The following PDE3B variants were observed in gnomAD, a reference collection of about 807,000 sequenced individuals.
The protein encoded by PDE3B is phosphodiesterase 3B, also known as cGMP-inhibited 3',5'-cyclic phosphodiesterase 3B.
Under a neutral mutation model 116.8 loss-of-function variants are expected in PDE3B, and 66 were observed. The ratio of observed to expected loss-of-function variants is 0.56; its 90% CI spans 0.46 to 0.69. PDE3B has a LOEUF of 0.69. Ranked by LOEUF, PDE3B falls within the 30% of genes least tolerant of loss-of-function variation. The probability of loss-of-function intolerance (pLI) is 0.00; values close to 1 mark genes in which losing one functional copy is unlikely to be tolerated. For missense variants in PDE3B, 1,384 were observed against 1,368.1 expected, an observed-to-expected ratio of 1.01 and a Z score of -0.18; for synonymous variants, 595 against 533.6, an observed-to-expected ratio of 1.12 and a Z score of -1.59.
intron 1 of PDE3B, among the ~76,000 whole-genome samples, chr11:14,676,974 T>C (rs1247293480): frequency 1.3e-5 from 2 of 152,156 alleles, no homozygotes; most frequent in Non-Finnish European, 2.9e-5. Flanking sequence ...AGTAATTTTT[T>C]GGGTATGAGG....
chr11:14,845,682 C>T (rs1847583204), intron 12 of PDE3B, among the ~76,000 whole-genome samples: 1 of 152,028 alleles, frequency 6.6e-6, no homozygotes, highest in South Asian at 2.1e-4. Flanking sequence ...TCGAAAACTA[C>T]GTGAAGAATG....
chr11:14,664,786 A>G (rs1196774276), intron 1 of PDE3B, among the ~76,000 whole-genome samples: 1 of 152,204 alleles, frequency 6.6e-6, no homozygotes, highest in Admixed American at 6.5e-5. Context: ...TAGCTTACCA[A>G]CCAAAAAGAG....
intron 1 of PDE3B, chr11:14,673,917 G>C (rs1293334923): frequency 7.0e-7 from 1 of 1,428,402 alleles, no homozygotes; most frequent in Non-Finnish European, 9.9e-7. Flanking sequence ...TTCATTAACC[G>C]CATACTCCTT....
At chr11:14,780,463 G>C (rs1292124694) in intron 2 of PDE3B, among the ~76,000 whole-genome samples, 3 of 152,140 alleles carry the variant, frequency 2.0e-5, no homozygotes, top group African/African-American at 7.2e-5. Context: ...ATAACAAACT[G>C]TCTCTCAGAC....
intron 2 of PDE3B, among the ~76,000 whole-genome samples, chr11:14,781,318 C>T (rs1287099932): frequency 6.6e-6 from 1 of 152,132 alleles, no homozygotes; most frequent in Non-Finnish European, 1.5e-5. Context: ...TTTTATGAGG[C>T]CAGCAGCATC....
chr11:14,804,683 TAATC>T (rs1032947551), intron 5 of PDE3B, among the ~76,000 whole-genome samples: 1 of 152,102 alleles, frequency 6.6e-6, no homozygotes, highest in South Asian at 2.1e-4. Flanking sequence ...ATATTATTGA[TAATC>T]AAGAAAAGTA....
At chr11:14,823,929 C>T (rs898596379) in intron 7 of PDE3B, among the ~76,000 whole-genome samples, 3 of 152,164 alleles carry the variant, frequency 2.0e-5, no homozygotes, top group Non-Finnish European at 2.9e-5. Flanking sequence ...GAAAGAACTC[C>T]CAGTGGGAGG....
intron 1 of PDE3B, among the ~76,000 whole-genome samples, chr11:14,669,874 A>G (rs1854313335): frequency 6.6e-6 from 1 of 152,134 alleles, no homozygotes; most frequent in East Asian, 1.9e-4. Context: ...GATAGTTTGG[A>G]GTGTGTGCTT....
At chr11:14,890,443 C>G in the PDE3B span, 1 of 981,478 alleles carries the variant, frequency 1.0e-6, no homozygotes, top group African/African-American at 1.8e-5. Flanking sequence ...TTTATTATCT[C>G]GTCCAGCTTC....
intron 1 of PDE3B, among the ~76,000 whole-genome samples, chr11:14,760,874 T>A (rs1857342744): frequency 6.6e-6 from 1 of 152,232 alleles, no homozygotes; most frequent in Admixed American, 6.5e-5. Flanking sequence ...ATCAGGGTAA[T>A]TGGGATATCC....
chr11:14,790,623 A>C (rs1016646341), intron 4 of PDE3B, among the ~76,000 whole-genome samples: 6 of 152,132 alleles, frequency 3.9e-5, no homozygotes, highest in Non-Finnish European at 8.8e-5. Flanking sequence ...TTAACTCTGA[A>C]AAGTGTTTAT....
At chr11:14,770,254 G>A (rs185638886) in intron 1 of PDE3B, among the ~76,000 whole-genome samples, 1 of 151,268 alleles carries the variant, frequency 6.6e-6, no homozygotes, top group African/African-American at 2.4e-5. Context: ...ACATCTATTC[G>A]TGAACTTAAG....
intron 1 of PDE3B, among the ~76,000 whole-genome samples, chr11:14,660,304 CTT>C (rs761213939): frequency 2.1e-4 from 29 of 140,410 alleles, no homozygotes; most frequent in Non-Finnish European, 1.6e-4. Flanking sequence ...TTCTAATATT[CTT>C]TTTTTTTTTT....
intron 4 of PDE3B, among the ~76,000 whole-genome samples, chr11:14,791,758 TG>T (rs1858397835): frequency 6.6e-6 from 1 of 152,098 alleles, no homozygotes; most frequent in South Asian, 2.1e-4. Context: ...TGGTTATCCC[TG>T]GGGGATTGGT....
chr11:14,892,173 C>T, the PDE3B span: 1 of 1,610,782 alleles, frequency 6.2e-7, no homozygotes, highest in Non-Finnish European at 8.5e-7. Flanking sequence ...CGAGCGCCGC[C>T]GCGCCCTCTT....
chr11:14,852,118 G>A (rs1847765477), intron 12 of PDE3B, among the ~76,000 whole-genome samples: 1 of 152,114 alleles, frequency 6.6e-6, no homozygotes, highest in Admixed American at 6.5e-5. Context: ...GTGCAGTGAC[G>A]TGATCTTGGC....
At chr11:14,815,695 C>T (rs1038554453) in intron 5 of PDE3B, among the ~76,000 whole-genome samples, 1 of 152,042 alleles carries the variant, frequency 6.6e-6, no homozygotes, top group Admixed American at 6.6e-5. Context: ...CAGGTGTTTT[C>T]TACACAAAGA....
In PDE3B at chr11:14,830,679, T is replaced by C. The variant is rs1247568125; in HGVS notation, c.1808-19T>C. The C allele has an allele frequency of 8.0e-7, 1 of 1,243,064 alleles. No homozygotes were observed. The highest frequency in any genetic ancestry group is 1.1e-6 in the Non-Finnish European group (1 of 907,704). The allele number at this position is 1,243,064 out of a possible 1,614,324, so 77.0% of individuals were successfully genotyped here. A position where few individuals can be genotyped will look rare whatever the true frequency, so the allele number is the denominator to read the frequency against. On this transcript the variant is annotated intron_variant, in intron 7 of 15. Coordinates refer to ENST00000282096, the MANE Select transcript of PDE3B (RefSeq NM_000922.4). ...GGCACATTTTACTCCTATATATTACTATATATATTTTTTGAAAGGTGAAGA... is the reference window on the plus strand; with the variant it reads ...GGCACATTTTACTCCTATATATTACCATATATATTTTTTGAAAGGTGAAGA...
Position 14,869,881 on chromosome 11 carries a change from G to C in PDE3B, c.*221G>C. 2.2e-6 allele frequency: 1 copy of C among 453,616 alleles called. No individual in the cohort carries two copies. Among genetic ancestry groups the C allele is most frequent in the South Asian group, 3.6e-5 (1 of 28,106 alleles). 28.1% of individuals were successfully genotyped at this position (453,616 alleles called of 1,614,324 possible). ...TATTCTTAAACCAAAAATACCATCCGTGTTGACCCATGTTGCAGAGCCCTT... is the reference window on the plus strand; with the variant it reads ...TATTCTTAAACCAAAAATACCATCCCTGTTGACCCATGTTGCAGAGCCCTT... On this transcript the variant is annotated 3_prime_UTR_variant, in exon 16 of 16. Transcript: ENST00000282096.
Sources: allele counts gnomAD v4.1 joint callset (sites outside exome capture counted in the v4.1 genomes callset), GRCh38; gene constraint gnomAD v4.1.1; transcripts MANE v1.5; gene names NCBI Gene and HGNC (gene_info 2026-07-23, HGNC 2026-07-21).